Variants in DLG2 observed in about 807,000 individuals in gnomAD.
DLG2 encodes the protein discs large MAGUK scaffold protein 2.
A neutral mutation model predicts 132.5 loss-of-function variants in DLG2; 45 were observed. The observed-to-expected ratio is 0.34, with a 90% CI of 0.27 to 0.44. The LOEUF (loss-of-function observed/expected upper bound fraction) is 0.44. DLG2 is among the 20% of genes least tolerant of loss of function. The pLI is 1.00. For missense variants in DLG2, 1,045 were observed against 1,196.9 expected (o/e 0.87, Z 1.87); for synonymous variants, 424 against 419.6 (o/e 1.01, Z -0.13).
At chr11:84,126,066 C>T (rs539400204) in intron 9 of DLG2, among the ~76,000 whole-genome samples, 5 of 152,060 alleles carry the variant, frequency 3.3e-5, no homozygotes, top group South Asian at 2.1e-4. Context: ...TGTCAAATCC[C>T]GTTTGATTAA....
chr11:83,771,482 A>T (rs1039737177), intron 18 of DLG2, among the ~76,000 whole-genome samples: 1 of 152,228 alleles, frequency 6.6e-6, no homozygotes, highest in Non-Finnish European at 1.5e-5. Context: ...CACTTACATG[A>T]ACCTAGATGG....
At chr11:84,231,613 G>A (rs540012508) in intron 8 of DLG2, among the ~76,000 whole-genome samples, 85 of 152,268 alleles carry the variant, frequency 5.6e-4, no homozygotes, top group Non-Finnish European at 1.1e-3. Context: ...TGGAATCATA[G>A]GGAATATTGT....
intron 6 of DLG2, among the ~76,000 whole-genome samples, chr11:84,916,222 G>A (rs1176570811): frequency 6.7e-6 from 1 of 150,036 alleles, no homozygotes; most frequent in Non-Finnish European, 1.5e-5. Flanking sequence ...AGTGGCGGGC[G>A]CCTGTAGTCC....
At chr11:85,195,585 G>A (rs1054905202) in intron 4 of DLG2, among the ~76,000 whole-genome samples, 18 of 149,750 alleles carry the variant, frequency 1.2e-4, no homozygotes, top group Admixed American at 2.7e-4. Context: ...GTGCAGTGGC[G>A]CAATCTCGGC....
Position 83,992,214 on chromosome 11 carries a change from A to G in DLG2, c.920-11572T>C, listed in dbSNP as rs77961724. Among the ~76,000 whole-genome samples, 1,256 of 152,268 alleles carry G rather than the reference A, an allele frequency of 8.2e-3. 19 individuals carry two copies. Among genetic ancestry groups the G allele is most frequent in the African/African-American group, 0.029 (1,188 of 41,556 alleles). On this transcript the variant is annotated intron_variant, in intron 11 of 27. Coordinates refer to ENST00000376104, the MANE Select transcript of DLG2 (RefSeq NM_001142699.3). ...ACTTATGTGTCAAGTAGCAGCCTAA[A>G]TATTGTTGTTACATCAATAAATTAG...
chr11:84,748,718 A>G (rs1159618142), intron 6 of DLG2, among the ~76,000 whole-genome samples: 1 of 152,178 alleles, frequency 6.6e-6, no homozygotes, highest in African/African-American at 2.4e-5. Context: ...GCGGACTGTA[A>G]ATTAAGTCAT....
intron 19 of DLG2, among the ~76,000 whole-genome samples, chr11:83,580,807 T>C (rs11233682): frequency 0.76 from 78,589 of 103,368 alleles, 27,587 homozygotes; most frequent in African/African-American, 0.85. Flanking sequence ...CTCCCTCCCC[T>C]GCCCCGCCAG....
intron 6 of DLG2, among the ~76,000 whole-genome samples, chr11:84,825,700 T>G (rs1180740599): frequency 6.6e-6 from 1 of 151,932 alleles, no homozygotes; most frequent in Non-Finnish European, 1.5e-5. Context: ...TCAGCATCAT[T>G]GTTGTTTCAA....
chr11:84,091,420 C>T (rs2097092394), intron 10 of DLG2, among the ~76,000 whole-genome samples: 1 of 152,168 alleles, frequency 6.6e-6, no homozygotes, highest in African/African-American at 2.4e-5. Context: ...AGATTCCTCC[C>T]TTTTACTGGC....
chr11:84,482,049 A>T (rs952443268), intron 7 of DLG2, among the ~76,000 whole-genome samples: 1 of 152,202 alleles, frequency 6.6e-6, no homozygotes, highest in African/African-American at 2.4e-5. Flanking sequence ...TTTATAAAAG[A>T]TATCTATTTC....
chr11:84,738,092 A>T (rs1217654506), intron 6 of DLG2, among the ~76,000 whole-genome samples: 1 of 152,066 alleles, frequency 6.6e-6, no homozygotes, highest in Non-Finnish European at 1.5e-5. Context: ...AAACTTATGA[A>T]GTGTCTGTCA....
chr11:83,763,883 C>T (rs1360810822), intron 18 of DLG2, among the ~76,000 whole-genome samples: 1 of 152,206 alleles, frequency 6.6e-6, no homozygotes, highest in Non-Finnish European at 1.5e-5. Context: ...ATATTATTAA[C>T]TCATTTTAAA....
chr11:83,880,592 G>C (rs944644048), intron 15 of DLG2, among the ~76,000 whole-genome samples: 1 of 152,138 alleles, frequency 6.6e-6, no homozygotes, highest in Non-Finnish European at 1.5e-5. Flanking sequence ...TTCAAAAATA[G>C]ACAGACTCTG....
intron 6 of DLG2, among the ~76,000 whole-genome samples, chr11:85,085,776 G>A (rs963017027): frequency 9.9e-5 from 15 of 152,056 alleles, no homozygotes; most frequent in Non-Finnish European, 2.1e-4. Context: ...CAGCTAACAG[G>A]TATTTGAACT....
At chr11:83,744,650 C>T (rs1449559244) in intron 18 of DLG2, among the ~76,000 whole-genome samples, 1 of 152,108 alleles carries the variant, frequency 6.6e-6, no homozygotes, top group East Asian at 1.9e-4. Context: ...TTCTGGAAAT[C>T]CTCAGCAGTC....
chr11:85,050,611 C>T (rs1217747476), intron 6 of DLG2, among the ~76,000 whole-genome samples: 1 of 152,084 alleles, frequency 6.6e-6, no homozygotes, highest in Non-Finnish European at 1.5e-5. Flanking sequence ...TGGACGAGTA[C>T]ATGTTAGAGA....
chr11:84,097,249 T>G (rs577078284), intron 10 of DLG2, among the ~76,000 whole-genome samples: 2 of 152,304 alleles, frequency 1.3e-5, no homozygotes, highest in African/African-American at 4.8e-5. Flanking sequence ...GGCTTTTTAT[T>G]TGGCCTCGTT....
At chr11:83,898,521 T>C (rs1356439215) in intron 15 of DLG2, among the ~76,000 whole-genome samples, 1 of 152,106 alleles carries the variant, frequency 6.6e-6, no homozygotes, top group Non-Finnish European at 1.5e-5. Context: ...CTTTCATTAG[T>C]CTATGCTAGT....
intron 6 of DLG2, among the ~76,000 whole-genome samples, chr11:84,720,604 G>T (rs373969245): frequency 1.3e-4 from 20 of 152,260 alleles, no homozygotes; most frequent in Admixed American, 1.3e-4. Flanking sequence ...CGAGGCGTGT[G>T]GGGGGAGGGA....
Sources: allele counts gnomAD v4.1 joint callset (sites outside exome capture counted in the v4.1 genomes callset), GRCh38; gene constraint gnomAD v4.1.1; transcripts MANE v1.5; gene names NCBI Gene and HGNC (gene_info 2026-07-23, HGNC 2026-07-21).